UNC79: variants seen among roughly 807,000 people sequenced by gnomAD.
The protein encoded by UNC79 is protein unc-79 homolog.
UNC79 carries 37 observed loss-of-function variants against 283.1 expected under a neutral mutation model. The ratio of observed to expected loss-of-function variants is 0.13; its 90% CI spans 0.10 to 0.17. The LOEUF (loss-of-function observed/expected upper bound fraction) is 0.17. UNC79 is among the 10% of genes least tolerant of loss of function. The pLI, the probability that UNC79 is intolerant of heterozygous loss-of-function variation, is 1.00. For synonymous variants in UNC79, 1,107 were observed against 1,200.2 expected (o/e 0.92, Z 1.61); for missense variants, 2,272 against 3,211.1 (o/e 0.71, Z 7.07).
At chr14:93,387,028 C>T (rs1433183020) in intron 1 of UNC79, among the ~76,000 whole-genome samples, 1 of 143,512 alleles carries the variant, frequency 7.0e-6, no homozygotes, top group Non-Finnish European at 1.5e-5. Flanking sequence ...CTGCAACCTC[C>T]GCCTCTCAGG....
rs577252137 is a variant in UNC79 at position 93,487,125 on chromosome 14, G to A, written c.620-538G>A. On this transcript the variant is annotated intron_variant, in intron 4 of 48. Coordinates refer to ENST00000555664, the Ensembl canonical transcript of UNC79. ...AACTGTTTAATGATATGTGAAAATT[G>A]AAAATCTTTAAATTAATATATCATT... Among the ~76,000 whole-genome samples, 30 of 152,244 alleles carry A rather than the reference G, an allele frequency of 2.0e-4. No homozygotes were observed. In the East Asian group the frequency reaches 5.6e-3, roughly 28 times the overall value.
intron 1 of UNC79, chr14:93,347,387 C>G: frequency 4.5e-6 from 7 of 1,539,778 alleles, no homozygotes; most frequent in Non-Finnish European, 5.2e-6. Context: ...CGGCCCCTGT[C>G]TGCCGCGGTG....
At chr14:93,506,593 CTT>C (rs1343404236) in intron 7 of UNC79, among the ~76,000 whole-genome samples, 1 of 151,732 alleles carries the variant, frequency 6.6e-6, no homozygotes, top group African/African-American at 2.4e-5. Context: ...AAAGTTTTCT[CTT>C]TATTTTTTAT....
At chr14:93,601,935 CT>C (rs1273322983) in intron 25 of UNC79, among the ~76,000 whole-genome samples, 1 of 152,036 alleles carries the variant, frequency 6.6e-6, no homozygotes, top group Non-Finnish European at 1.5e-5. Context: ...CCTTTGCCTA[CT>C]TTTTGATGGG....
rs1037863302 is a variant in UNC79, at chr14:93,531,350, C to A, written c.1094-1200C>A. Among the ~76,000 whole-genome samples, 1 of 152,130 alleles carries A rather than the reference C, an allele frequency of 6.6e-6. No homozygotes were observed. The highest frequency in any genetic ancestry group is 6.5e-5 in the Admixed American group (1 of 15,270). The stretch of plus-strand genomic sequence containing the variant: ...GGTTTGGGAGACATTTACCTTTGAT[C>A]TTTTAAATAAATTGTAACATAGACT... On this transcript the variant is annotated intron_variant, in intron 10 of 48. Transcript: ENST00000555664. This position sits in a 1 kb window ranked among gnomAD's most constrained non-coding sequence, Gnocchi z 4.2.
At chr14:93,582,443 A>T in intron 20 of UNC79, 99 bp downstream of exon 20, 1 of 1,516,430 alleles carries the variant, frequency 6.6e-7, no homozygotes, top group Non-Finnish European at 8.8e-7. Flanking sequence ...GCAAATTCAG[A>T]CGTGGTTTCC....
At chr14:93,574,773 G>C (rs1425731356) in intron 16 of UNC79, among the ~76,000 whole-genome samples, 1 of 152,012 alleles carries the variant, frequency 6.6e-6, no homozygotes. Flanking sequence ...AGGCACTAGT[G>C]GTGGGTATGG....
chr14:93,583,956 C>T (rs1409674383), intron 20 of UNC79, among the ~76,000 whole-genome samples: 1 of 152,080 alleles, frequency 6.6e-6, no homozygotes, highest in Non-Finnish European at 1.5e-5. Flanking sequence ...CAGACATGCT[C>T]CACCATGCCC....
intron 1 of UNC79, among the ~76,000 whole-genome samples, chr14:93,335,379 T>C (rs961623434): frequency 6.6e-6 from 1 of 152,262 alleles, no homozygotes; most frequent in African/African-American, 2.4e-5. Flanking sequence ...AAGTATCCAG[T>C]ACCATGTGCC....
intron 13 of UNC79, among the ~76,000 whole-genome samples, chr14:93,541,567 G>A (rs960051898): frequency 2.0e-5 from 3 of 152,194 alleles, no homozygotes; most frequent in Non-Finnish European, 4.4e-5. Flanking sequence ...CTTCCTAGAA[G>A]TTAGTATTTA....
chr14:93,471,213 A>C (rs1234847210), intron 2 of UNC79, among the ~76,000 whole-genome samples: 1 of 152,214 alleles, frequency 6.6e-6, no homozygotes, highest in Non-Finnish European at 1.5e-5. Context: ...GTAACTTTAG[A>C]GCATTGCATA....
rs1024606297 is a variant in UNC79 at position 93,506,857 on chromosome 14, A to G, written c.898+9571A>G. Among the ~76,000 whole-genome samples the G allele has an allele frequency of 2.3e-4, 35 of 152,360 alleles. No individual in the cohort carries two copies. In the Middle Eastern group the frequency reaches 0.01, roughly 44 times the overall value. ...CTCATGTAGTCGTCATCCAAAAAAG[A>G]CAATGGAATGTTTCCATCAACCCAG... On this transcript the variant is annotated intron_variant, in intron 7 of 48. Transcript: ENST00000555664.
At chr14:93,349,736 C>T (rs2053945203) in intron 1 of UNC79, among the ~76,000 whole-genome samples, 1 of 152,148 alleles carries the variant, frequency 6.6e-6, no homozygotes. Context: ...TTATATCTAC[C>T]TTCGCTAAAT....
At chr14:93,580,100 T>TTC in intron 18 of UNC79, 49 bp from the exon 19 acceptor site, 1 of 1,076,592 alleles carries the variant, frequency 9.3e-7, no homozygotes, top group Non-Finnish European at 1.3e-6. Flanking sequence ...CTTCTTCTTC[T>TTC]TTTTTTTTTG....
At chr14:93,373,444 A>T (rs2054494766) in intron 1 of UNC79, among the ~76,000 whole-genome samples, 2 of 152,176 alleles carry the variant, frequency 1.3e-5, no homozygotes, top group Admixed American at 1.3e-4. Context: ...TACTAATATC[A>T]GAAGTGAAAA....
At position 93,515,602 on chromosome 14, in the gene UNC79, T is replaced by G. The variant is rs191655335; in HGVS notation, c.899-8376T>G. Among the ~76,000 whole-genome samples, 491 of 152,250 alleles carry G rather than the reference T, an allele frequency of 3.2e-3. 4 individuals carry two copies. Among genetic ancestry groups the G allele is most frequent in the Non-Finnish European group, 5.6e-3 (382 of 67,984 alleles). Reference sequence around the variant, plus strand: ...TCTTAGGTCAGATTTTCATTGTTTGTGCTCTGTGGCTACTGTAACCACTAA... The same window carrying G: ...TCTTAGGTCAGATTTTCATTGTTTGGGCTCTGTGGCTACTGTAACCACTAA... On this transcript the variant is annotated intron_variant, in intron 7 of 48. Coordinates refer to ENST00000555664, the Ensembl canonical transcript of UNC79.
rs564991676 is a variant in UNC79 at position 93,566,661 on chromosome 14, C to T, written c.1756-5233C>T. ...GGAATTTTTTTTTTTTTTTTTGAGA[C>T]GGAATCTTGCTCTGTTGCCAGGCAG... On this transcript the variant is annotated intron_variant, in intron 14 of 48. Transcript: ENST00000555664. 3.7e-5 allele frequency among the ~76,000 whole-genome samples: 5 copies of T among 134,958 alleles called. No individual in the cohort carries two copies. In the South Asian group the frequency reaches 9.2e-4, roughly 25 times the overall value. The allele number at this position is 134,958 out of a possible 152,430, so 88.5% of individuals were successfully genotyped here. A position where few individuals can be genotyped will look rare whatever the true frequency, so the allele number is the denominator to read the frequency against.
chr14:93,640,673 C>T (rs1158832893), intron 32 of UNC79, among the ~76,000 whole-genome samples: 2 of 152,188 alleles, frequency 1.3e-5, no homozygotes, highest in East Asian at 1.9e-4. Flanking sequence ...CAAAGATCTC[C>T]ACTGCTTAAG....
chr14:93,653,727 C>G lies in UNC79; in HGVS notation c.6084-15C>G, dbSNP rs769661552. On this transcript the variant is annotated splice_polypyrimidine_tract_variant and intron_variant, in intron 35 of 48. Transcript: ENST00000555664. Reference sequence around the variant, plus strand: ...GCCCATGACTTCGTGTCTTTTCTCCCCTGTTCAACTCCAGCATGATGGTTC... The same window carrying G: ...GCCCATGACTTCGTGTCTTTTCTCCGCTGTTCAACTCCAGCATGATGGTTC... The G allele has an allele frequency of 2.2e-5, 36 of 1,606,780 alleles. No individual in the cohort carries two copies. Among genetic ancestry groups the G allele is most frequent in the Non-Finnish European group, 3.1e-5 (36 of 1,174,932 alleles).
Sources: gnomAD v4.1 joint callset for allele counts (sites outside exome capture counted in the v4.1 genomes callset) on GRCh38, gnomAD v4.1.1 for gene constraint, Gnocchi (gnomAD v3.1) non-coding constraint, MANE v1.5 for transcripts, NCBI Gene and HGNC (gene_info 2026-07-23, HGNC 2026-07-21) for gene names.